The following HACE1 variants were observed in gnomAD, a reference collection of about 807,000 sequenced individuals.
The protein encoded by HACE1 is E3 ubiquitin-protein ligase HACE1.
Under a neutral mutation model 118.4 loss-of-function variants are expected in HACE1, and 73 were observed. The observed-to-expected ratio is 0.62, with a 90% CI of 0.51 to 0.75. The LOEUF (loss-of-function observed/expected upper bound fraction) is 0.75. Among genes scored for constraint, HACE1 ranks in the 30% least tolerant of loss-of-function variants. The pLI, the probability that HACE1 is intolerant of heterozygous loss-of-function variation, is 0.00. For synonymous variants in HACE1, 368 were observed against 374.8 expected (o/e 0.98, Z 0.21); for missense variants, 749 against 1,102.2 (o/e 0.68, Z 4.54).
In HACE1 at chr6:104,818,981, G is replaced by A. The variant is rs1215275477; in HGVS notation, c.535-7588C>T. On this transcript the variant is annotated intron_variant, in intron 6 of 23. Transcript: ENST00000262903. ...AGCATTACCTTGAAAACCAACATAA[G>A]ACAAGGATGCCATCTCTCACCACCC... Among the ~76,000 whole-genome samples, 4 of 151,956 alleles carry A rather than the reference G, an allele frequency of 2.6e-5. No homozygotes were observed. The East Asian group carries it at 7.7e-4, about 29-fold the overall frequency.
At chr6:104,738,857 A>G (rs1021393268) in intron 22 of HACE1, among the ~76,000 whole-genome samples, 1 of 150,920 alleles carries the variant, frequency 6.6e-6, no homozygotes, top group African/African-American at 2.5e-5. Context: ...ACTCCAAGAC[A>G]CATAACTGTC....
At position 104,849,163 on chromosome 6, in the gene HACE1, A is replaced by T; in HGVS notation, c.305T>A (p.Leu102His). The change falls in exon 4 of 24, where the codon CTT (leucine) becomes CAT (histidine). Residue 102 changes from leucine to histidine, a missense_variant. Coordinates refer to ENST00000262903, the MANE Select transcript of HACE1 (RefSeq NM_020771.4). ...TTACCCATTTCTTGCTGCCAAATGA[A>T]GGGGTGTACAGCCTGAAATATCTTG... Reference protein sequence around the residue: ...NYQDISGCTPLHLAARNGQKK... With the variant: ...NYQDISGCTPHHLAARNGQKK... 1.9e-6 allele frequency: 3 copies of T among 1,597,200 alleles called. No individual in the cohort carries two copies. Among genetic ancestry groups the T allele is most frequent in the Non-Finnish European group, 2.6e-6 (3 of 1,164,500 alleles).
intron 4 of HACE1, among the ~76,000 whole-genome samples, chr6:104,846,425 T>C (rs1775677071): frequency 6.6e-6 from 1 of 152,180 alleles, no homozygotes; most frequent in Non-Finnish European, 1.5e-5. Context: ...TGAATCCCCC[T>C]GTACAAGGAA....
intron 22 of HACE1, among the ~76,000 whole-genome samples, chr6:104,741,839 G>C (rs1298159488): frequency 6.7e-6 from 1 of 148,192 alleles, no homozygotes; most frequent in Admixed American, 6.7e-5. Flanking sequence ...CCAAAAAAGA[G>C]CCCACATCAC....
chr6:104,772,625 A>C (rs1562335459), intron 17 of HACE1, among the ~76,000 whole-genome samples: 1 of 152,236 alleles, frequency 6.6e-6, no homozygotes. Context: ...CCTGTTAACA[A>C]TGATTAGAAA....
chr6:104,787,453 G>C (rs941066833), intron 11 of HACE1: 5 of 152,072 alleles, frequency 3.3e-5, no homozygotes, highest in African/African-American at 9.7e-5. Context: ...CTCTTTATGA[G>C]CAAAACACTG....
intron 6 of HACE1, among the ~76,000 whole-genome samples, chr6:104,825,472 G>A (rs1026715454): frequency 3.3e-5 from 5 of 151,932 alleles, no homozygotes; most frequent in African/African-American, 1.2e-4. Flanking sequence ...CAGACTAACT[G>A]AAGGTAGTTA....
At chr6:104,830,758 C>CTTTTTTTCTTT (rs1554258605) in intron 6 of HACE1, among the ~76,000 whole-genome samples, 1 of 132,958 alleles carries the variant, frequency 7.5e-6, no homozygotes. Flanking sequence ...AAATTACATT[C>CTTTTTTTCTTT]TTTTTTTTTT....
chr6:104,742,380 C>T (rs1176785043), intron 22 of HACE1, among the ~76,000 whole-genome samples: 87 of 147,108 alleles, frequency 5.9e-4, no homozygotes, highest in African/African-American at 2.1e-3. Context: ...AGGCAACCTA[C>T]AAAATGGGAG....
intron 1 of HACE1, among the ~76,000 whole-genome samples, chr6:104,857,153 ATATTTACATATATATATT>A (rs1562524347): frequency 4.1e-5 from 6 of 148,142 alleles, no homozygotes; most frequent in Non-Finnish European, 1.5e-5. Context: ...TGTTATATAT[ATATTTACATATATATATT>A]TATTTACATA....
At chr6:104,738,683 T>G (rs1235359291) in intron 22 of HACE1, among the ~76,000 whole-genome samples, 1 of 149,620 alleles carries the variant, frequency 6.7e-6, no homozygotes, top group Admixed American at 6.6e-5. Context: ...AGACCAAATC[T>G]ATGTCTGATT....
chr6:104,784,372 G>A, intron 13 of HACE1, 45 bp downstream of exon 13: 1 of 1,247,120 alleles, frequency 8.0e-7, no homozygotes, highest in Non-Finnish European at 1.2e-6. Context: ...TGTAAGTAAA[G>A]AGAGGAAAGG....
intron 19 of HACE1, among the ~76,000 whole-genome samples, chr6:104,765,611 A>T (rs1371695117): frequency 6.6e-6 from 1 of 152,236 alleles, no homozygotes; most frequent in African/African-American, 2.4e-5. Flanking sequence ...ATCTTTAAAA[A>T]ATGAATATCA....
At chr6:104,795,266 T>G (rs1244370915) in intron 10 of HACE1, among the ~76,000 whole-genome samples, 1 of 152,212 alleles carries the variant, frequency 6.6e-6, no homozygotes, top group Non-Finnish European at 1.5e-5. Flanking sequence ...GTGGTCAAGA[T>G]TCCTGAACTT....
chr6:104,740,125 C>A (rs1451034794), intron 22 of HACE1, among the ~76,000 whole-genome samples: 5 of 148,698 alleles, frequency 3.4e-5, no homozygotes, highest in Admixed American at 6.7e-5. Context: ...CCAATGAGAA[C>A]AACGACACAA....
At chr6:104,836,922 AAC>A (rs1302276144) in intron 5 of HACE1, among the ~76,000 whole-genome samples, 1 of 152,290 alleles carries the variant, frequency 6.6e-6, no homozygotes, top group Non-Finnish European at 1.5e-5. Context: ...AAGAAAATGA[AAC>A]AGTTATATGC....
intron 7 of HACE1, among the ~76,000 whole-genome samples, chr6:104,805,091 C>A (rs546278464): frequency 6.6e-6 from 1 of 152,024 alleles, no homozygotes; most frequent in Non-Finnish European, 1.5e-5. Context: ...ATGCAACCAA[C>A]AGACATGAAA....
At chr6:104,730,908 T>C (rs1342633538) in intron 22 of HACE1, 3 of 155,136 alleles carry the variant, frequency 1.9e-5, no homozygotes, top group African/African-American at 7.2e-5. Context: ...GAAAAATATC[T>C]AGGCCCTAAA....
At chr6:104,736,381 C>CTCAAGTGA (rs1264444647) in intron 22 of HACE1, among the ~76,000 whole-genome samples, 1 of 152,018 alleles carries the variant, frequency 6.6e-6, no homozygotes, top group Non-Finnish European at 1.5e-5. Context: ...ACCTCCCAGG[C>CTCAAGTGA]TCAAGTGATC....
Sources: allele counts gnomAD v4.1 joint callset (sites outside exome capture counted in the v4.1 genomes callset), GRCh38; gene constraint gnomAD v4.1.1; transcripts MANE v1.5; gene names NCBI Gene and HGNC (gene_info 2026-07-23, HGNC 2026-07-21).